Variants in RBM33 observed in about 807,000 individuals in gnomAD.
The protein encoded by RBM33 is RNA binding motif protein 33.
In RBM33, 28 loss-of-function variants were observed where a neutral mutation model predicts 132.6. The observed-to-expected ratio is 0.21, with a 90% CI of 0.16 to 0.29. The LOEUF is 0.29. Among genes scored for constraint, RBM33 ranks in the 10% least tolerant of loss-of-function variants. The pLI is 1.00. For synonymous variants in RBM33, 634 were observed against 593.0 expected, an observed-to-expected ratio of 1.07 and a Z score of -1.01; for missense variants, 1,291 against 1,518.5, an observed-to-expected ratio of 0.85 and a Z score of 2.49.
intron 5 of RBM33, among the ~76,000 whole-genome samples, chr7:155,687,390 G>A (rs890996529): frequency 6.6e-6 from 1 of 152,208 alleles, no homozygotes; most frequent in African/African-American, 2.4e-5. Flanking sequence ...TTTGTCAGAT[G>A]AGTAGATTGC....
intron 16 of RBM33, chr7:155,766,888 T>G (rs369135850): frequency 1.8e-6 from 1 of 551,530 alleles, no homozygotes. Flanking sequence ...ATACCCCAGC[T>G]GAACAGATTA....
At chr7:155,660,041 A>C (rs1396270811) in intron 1 of RBM33, among the ~76,000 whole-genome samples, 1 of 152,160 alleles carries the variant, frequency 6.6e-6, no homozygotes, top group Non-Finnish European at 1.5e-5. Flanking sequence ...ATCCAGTGTG[A>C]TCTCATCCGA....
chr7:155,758,575 C>T (rs1801927464), intron 14 of RBM33, among the ~76,000 whole-genome samples: 1 of 152,214 alleles, frequency 6.6e-6, no homozygotes, highest in African/African-American at 2.4e-5. Flanking sequence ...GCGGTGCATG[C>T]AGCTCAGTTC....
At chr7:155,711,150 G>GTTT (rs200646328) in intron 7 of RBM33, 53 bp from the exon 8 acceptor site, 27 of 1,208,580 alleles carry the variant, frequency 2.2e-5, no homozygotes, top group Admixed American at 1.0e-4. Context: ...GTGAACTTTT[G>GTTT]TTTTTTTTTT....
In RBM33 at chr7:155,644,748, C is replaced by T; in HGVS notation, c.-129C>T. On this transcript the variant is annotated 5_prime_UTR_variant, in exon 1 of 18. Coordinates refer to ENST00000401878, the MANE Select transcript of RBM33 (RefSeq NM_053043.3). ...CAGCTGTGGACCGCGAAGCGCCCGG[C>T]TTCGCCTCTGCCTCCTGCAGCCCCC... 1 of 713,596 alleles carries T rather than the reference C, an allele frequency of 1.4e-6. No individual in the cohort carries two copies. The highest frequency in any genetic ancestry group is 2.1e-6 in the Non-Finnish European group (1 of 473,974). 44.2% of individuals were successfully genotyped at this position (713,596 alleles called of 1,614,324 possible).
chr7:155,780,696 T>C lies in RBM33; in HGVS notation c.*5655T>C, dbSNP rs1322973144. The C allele has an allele frequency of 1.3e-5, 2 of 152,394 alleles. No homozygotes were observed. The highest frequency in any genetic ancestry group is 2.9e-5 in the Non-Finnish European group (2 of 68,230). The allele number at this position is 152,394 out of a possible 1,614,324, so 9.4% of individuals were successfully genotyped here. A position where few individuals can be genotyped will look rare whatever the true frequency, so the allele number is the denominator to read the frequency against. On this transcript the variant is annotated 3_prime_UTR_variant, in exon 18 of 18. Coordinates refer to ENST00000401878, the MANE Select transcript of RBM33 (RefSeq NM_053043.3). ...TGGCTTCAACTGGGTGAGGGCCGTA[T>C]TCCTGCCACTCTGCTCCGCCTCAGC...
chr7:155,701,841 C>T (rs1250667347), intron 6 of RBM33, among the ~76,000 whole-genome samples: 1 of 152,156 alleles, frequency 6.6e-6, no homozygotes, highest in Admixed American at 6.5e-5. Context: ...GTGCGTGCCA[C>T]CACACCCGGC....
At chr7:155,670,447 T>A (rs1451370513) in intron 2 of RBM33, among the ~76,000 whole-genome samples, 1 of 152,240 alleles carries the variant, frequency 6.6e-6, no homozygotes, top group Admixed American at 6.5e-5. Context: ...TTATTCCTTA[T>A]GTGTACATCC....
intron 9 of RBM33, among the ~76,000 whole-genome samples, chr7:155,731,590 A>G (rs140059252): frequency 1.2e-3 from 187 of 152,322 alleles, no homozygotes; most frequent in African/African-American, 4.4e-3. Flanking sequence ...CCTCTGGACA[A>G]AGGTATGATT....
At chr7:155,669,807 A>G (rs1339497985) in intron 2 of RBM33, among the ~76,000 whole-genome samples, 1 of 152,090 alleles carries the variant, frequency 6.6e-6, no homozygotes, top group Non-Finnish European at 1.5e-5. Context: ...TGGGGGAGGG[A>G]TACTGTAGTC....
At chr7:155,692,549 A>C (rs1563146553) in intron 5 of RBM33, among the ~76,000 whole-genome samples, 1 of 152,192 alleles carries the variant, frequency 6.6e-6, no homozygotes, top group Non-Finnish European at 1.5e-5. Context: ...CTATGTGTGC[A>C]GGGTCACCTG....
chr7:155,718,474 A>G (rs1800530523), intron 9 of RBM33, 31 bp downstream of exon 9: 1 of 1,564,276 alleles, frequency 6.4e-7, no homozygotes, highest in Non-Finnish European at 8.8e-7. Context: ...CTCCTTTGAT[A>G]GGGATGAGCA....
chr7:155,766,800 A>C, intron 16 of RBM33, 145 bp downstream of exon 16: 2 of 757,712 alleles, frequency 2.6e-6, no homozygotes, highest in South Asian at 3.3e-5. Context: ...CCTGTTGTGC[A>C]TACTTAGTAT....
In RBM33 at chr7:155,740,617, T is replaced by C. The variant is rs77156916; in HGVS notation, c.2049+591T>C. On this transcript the variant is annotated intron_variant, in intron 12 of 17. Transcript: ENST00000401878. ...GCACCATCAGCAAATGTGTGACTTG[T>C]CGTGCATTAAAAGAAACTGGGAAAC... is the stretch of plus-strand genomic sequence containing the variant. 6.6e-3 allele frequency among the ~76,000 whole-genome samples: 1,004 copies of C among 152,336 alleles called. 10 individuals are homozygous for C. Among genetic ancestry groups the C allele is most frequent in the Middle Eastern group, 0.014 (4 of 294 alleles).
intron 2 of RBM33, among the ~76,000 whole-genome samples, chr7:155,672,612 C>T (rs778874866): frequency 3.3e-5 from 5 of 151,860 alleles, no homozygotes; most frequent in African/African-American, 1.2e-4. Flanking sequence ...CAAAATTAGC[C>T]GGGCATAATG....
chr7:155,669,602 C>T (rs576959572), intron 2 of RBM33, among the ~76,000 whole-genome samples: 3 of 152,336 alleles, frequency 2.0e-5, no homozygotes, highest in African/African-American at 4.8e-5. Flanking sequence ...ATCCAACCAC[C>T]TCAGCTTCCC....
chr7:155,759,178 A>G (rs889374466), intron 14 of RBM33, among the ~76,000 whole-genome samples: 11 of 152,234 alleles, frequency 7.2e-5, no homozygotes, highest in African/African-American at 2.4e-4. Flanking sequence ...TTTGAAACAG[A>G]TGAGGAAGAG....
chr7:155,778,963 TC>T lies in RBM33; in HGVS notation c.*3926del, dbSNP rs1802716076. 1 of 152,462 alleles carries T rather than the reference TC, an allele frequency of 6.6e-6. No homozygotes were observed. The highest frequency in any genetic ancestry group is 2.4e-5 in the African/African-American group (1 of 41,230). 9.4% of individuals were successfully genotyped at this position (152,462 alleles called of 1,614,324 possible). On this transcript the variant is annotated 3_prime_UTR_variant, in exon 18 of 18. Coordinates refer to ENST00000401878, the MANE Select transcript of RBM33 (RefSeq NM_053043.3). This position sits in a 1 kb window ranked among gnomAD's most constrained non-coding sequence, Gnocchi z 4.0. Reference sequence around the variant, plus strand: ...GAAACTCTCTAGTCCCTGCGGCTGTTCCCCTCCTCTGCTCTCTCCCTGGAGA... The same window carrying T: ...GAAACTCTCTAGTCCCTGCGGCTGTTCCCTCCTCTGCTCTCTCCCTGGAGA...
At chr7:155,744,263 T>C (rs1372526667) in intron 13 of RBM33, among the ~76,000 whole-genome samples, 1 of 152,236 alleles carries the variant, frequency 6.6e-6, no homozygotes, top group Non-Finnish European at 1.5e-5. Context: ...TGCTTAACTT[T>C]TTATACATTT....
Sources: gnomAD v4.1 joint callset for allele counts (sites outside exome capture counted in the v4.1 genomes callset) on GRCh38, gnomAD v4.1.1 for gene constraint, Gnocchi (gnomAD v3.1) non-coding constraint, MANE v1.5 for transcripts, NCBI Gene and HGNC (gene_info 2026-07-23, HGNC 2026-07-21) for gene names.